RP1: variants seen among roughly 807,000 people sequenced by gnomAD.
RP1 encodes the protein oxygen-regulated protein 1.
Under a neutral mutation model 14.8 loss-of-function variants are expected in RP1, and 16 were observed. The observed-to-expected ratio is 1.08, with a 90% CI of 0.73 to 1.65. RP1 has a LOEUF of 1.65. RP1 is among the 40% of genes most tolerant of loss of function. RP1 has a pLI of 0.00. For missense variants in RP1, 2,631 were observed against 2,535.0 expected, an observed-to-expected ratio of 1.04 and a Z score of -0.81; for synonymous variants, 876 against 883.6, an observed-to-expected ratio of 0.99 and a Z score of 0.15.
intron 12 of RP1, among the ~76,000 whole-genome samples, chr8:54,682,830 T>C (rs370299078): frequency 9.2e-5 from 14 of 152,310 alleles, no homozygotes; most frequent in African/African-American, 3.4e-4. Context: ...ATTTTTTCTT[T>C]TGTTGAAATT....
chr8:54,596,297 T>C (rs569345000), intron 1 of RP1, among the ~76,000 whole-genome samples: 9 of 152,300 alleles, frequency 5.9e-5, no homozygotes, highest in Admixed American at 1.3e-4. Context: ...TAACCTAGAC[T>C]CTCTTGTCCA....
intron 3 of RP1, among the ~76,000 whole-genome samples, chr8:54,638,804 T>G (rs1806401802): frequency 6.6e-6 from 1 of 152,182 alleles, no homozygotes; most frequent in African/African-American, 2.4e-5. Context: ...TTTTGTTCTT[T>G]CATTTTAAAA....
chr8:54,663,936 GT>G, intron 7 of RP1: 1 of 1,268,396 alleles, frequency 7.9e-7, no homozygotes, highest in Non-Finnish European at 1.0e-6. Context: ...TATTCTAAGA[GT>G]TTTTAATTTC....
At chr8:54,638,534 TA>T (rs1806396041) in intron 3 of RP1, among the ~76,000 whole-genome samples, 1 of 152,168 alleles carries the variant, frequency 6.6e-6, no homozygotes, top group Non-Finnish European at 1.5e-5. Context: ...TTAAAAGCTT[TA>T]AAAATTTGTC....
At chr8:54,838,893 C>G (rs573502382) in intron 25 of RP1, among the ~76,000 whole-genome samples, 6 of 152,238 alleles carry the variant, frequency 3.9e-5, no homozygotes, top group Non-Finnish European at 7.4e-5. Context: ...AATGCCTTGT[C>G]TGTAAAATGG....
chr8:54,869,695 G>T, intron 28 of RP1: 1 of 398,174 alleles, frequency 2.5e-6, no homozygotes, highest in East Asian at 3.6e-5. Context: ...AATCTGGTGT[G>T]GCTTAAAATC....
chr8:54,601,267 ATATTT>A (rs1208426723), intron 1 of RP1, among the ~76,000 whole-genome samples: 1 of 151,988 alleles, frequency 6.6e-6, no homozygotes, highest in Non-Finnish European at 1.5e-5. Flanking sequence ...AAAACCTAAA[ATATTT>A]TCAACATGTG....
At chr8:54,663,951 G>A in intron 7 of RP1, 9 of 1,137,404 alleles carry the variant, frequency 7.9e-6, no homozygotes, top group Non-Finnish European at 9.4e-6. Context: ...TAATTTCACA[G>A]TTTAGTAATG....
At chr8:54,820,030 G>C (rs1252823807) in intron 24 of RP1, among the ~76,000 whole-genome samples, 1 of 152,150 alleles carries the variant, frequency 6.6e-6, no homozygotes, top group African/African-American at 2.4e-5. Context: ...GCCAGGACTG[G>C]TCTATCCCTT....
intron 1 of RP1, among the ~76,000 whole-genome samples, chr8:54,583,882 C>A (rs1275276244): frequency 6.6e-6 from 1 of 151,768 alleles, no homozygotes; most frequent in African/African-American, 2.4e-5. Context: ...CTATTTGATT[C>A]TTCTCTCTTT....
chr8:54,600,606 C>G (rs957328335), intron 1 of RP1, among the ~76,000 whole-genome samples: 1 of 152,108 alleles, frequency 6.6e-6, no homozygotes, highest in South Asian at 2.1e-4. Flanking sequence ...CTGATATCAT[C>G]CAGTGTAGGG....
Position 54,626,243 on chromosome 8 carries a change from A to G in RP1, c.2361A>G (p.Leu787=). 1.9e-6 allele frequency: 3 copies of G among 1,613,420 alleles called. No individual in the cohort carries two copies. The part of the protein sequence containing the change: ...RKSRSLNKIS[L]GAPKKREIGQ... ...CTAGATCACTAAATAAAATAAGCTT[A>G]GGAGCACCTAAAAAAAGAGAAATCG... is the stretch of plus-strand genomic sequence containing the variant. Residue 787 remains leucine (L), a synonymous_variant, in exon 4 of 4, where the codon TTA becomes TTG. Coordinates refer to ENST00000220676, the MANE Select transcript of RP1 (RefSeq NM_006269.2).
intron 1 of RP1, among the ~76,000 whole-genome samples, chr8:54,598,519 G>T (rs1394192684): frequency 6.6e-6 from 1 of 152,094 alleles, no homozygotes; most frequent in Non-Finnish European, 1.5e-5. Context: ...AATTCAGATG[G>T]AAAGTTTATT....
intron 3 of RP1, among the ~76,000 whole-genome samples, chr8:54,636,711 C>T (rs1405090116): frequency 6.6e-6 from 1 of 152,178 alleles, no homozygotes; most frequent in African/African-American, 2.4e-5. Context: ...GTACCCCAGC[C>T]TGGGCGGCAA....
intron 24 of RP1, among the ~76,000 whole-genome samples, chr8:54,824,734 C>T (rs910486453): frequency 6.6e-6 from 1 of 152,074 alleles, no homozygotes. Context: ...TAAGATTTAT[C>T]CAGGCATACA....
At position 54,630,128 on chromosome 8, in the gene RP1, T is replaced by A; in HGVS notation, c.6246T>A (p.Asn2082Lys). 3 of 1,613,810 alleles carry A rather than the reference T, an allele frequency of 1.9e-6. No individual in the cohort carries two copies. Among genetic ancestry groups the A allele is most frequent in the Non-Finnish European group, 2.5e-6 (3 of 1,179,916 alleles). The change falls in exon 4 of 4, where the codon AAT becomes AAA. Residue 2082 changes from asparagine (N) to lysine (K), a missense_variant. Physicochemically the swap from Asn to Lys is moderately conservative, Grantham distance 94. Coordinates refer to ENST00000220676, the MANE Select transcript of RP1 (RefSeq NM_006269.2). ...ACAGATTCCAGGGCTCAAGAACAAA[T>A]CTCAACCAAGTAGTAAGAGAAAATA... ...LNNRFQGSRT[N>K]LNQVVRENIN...
intron 1 of RP1, among the ~76,000 whole-genome samples, chr8:54,604,927 C>T (rs1805390809): frequency 6.6e-6 from 1 of 152,082 alleles, no homozygotes; most frequent in Non-Finnish European, 1.5e-5. Context: ...ATTCTTCTCT[C>T]TTTTCTTCTT....
rs186568818 is a variant in RP1, at chr8:54,866,747, A to G, written c.4151+831A>G. On this transcript the variant is annotated intron_variant, in intron 28 of 28. Coordinates refer to the RP1 transcript ENST00000637698. ...ATCCAGTTTCTGTCGGCAAGGACCT[A>G]TGGTCCCCACATGGGAACATGGGAA... 1.2e-3 allele frequency among the ~76,000 whole-genome samples: 181 copies of G among 152,264 alleles called. 1 individual carries two copies. Among genetic ancestry groups the G allele is most frequent in the African/African-American group, 4.1e-3 (169 of 41,568 alleles).
chr8:54,755,293 A>G (rs1350843582), intron 20 of RP1, among the ~76,000 whole-genome samples: 3 of 152,178 alleles, frequency 2.0e-5, no homozygotes, highest in Admixed American at 6.5e-5. Flanking sequence ...ATAATGTACA[A>G]TAACAGTCAC....
Sources: gnomAD v4.1 joint callset for allele counts (sites outside exome capture counted in the v4.1 genomes callset) on GRCh38, gnomAD v4.1.1 for gene constraint, MANE v1.5 for transcripts, NCBI Gene and HGNC (gene_info 2026-07-23, HGNC 2026-07-21) for gene names.